JAKMIP2: variants seen among roughly 807,000 people sequenced by gnomAD.
JAKMIP2 encodes janus kinase and microtubule-interacting protein 2.
JAKMIP2 carries 25 observed loss-of-function variants against 115.0 expected under a neutral mutation model. The ratio of observed to expected loss-of-function variants is 0.22; its 90% confidence interval spans 0.16 to 0.30. The LOEUF (loss-of-function observed/expected upper bound fraction) is 0.30, where lower values mean the gene tolerates loss of function less well. Ranked by LOEUF, JAKMIP2 falls within the 10% of genes least tolerant of loss-of-function variation. The probability of loss-of-function intolerance (pLI) is 1.00; values close to 1 mark genes in which losing one functional copy is unlikely to be tolerated. For synonymous variants in JAKMIP2, 334 were observed against 343.6 expected, an observed-to-expected ratio of 0.97 and a Z score of 0.31; for missense variants, 642 against 957.6, an observed-to-expected ratio of 0.67 and a Z score of 4.35.
intron 1 of JAKMIP2, among the ~76,000 whole-genome samples, chr5:147,679,009 C>T (rs1760122841): frequency 6.6e-6 from 1 of 151,630 alleles, no homozygotes; most frequent in Non-Finnish European, 1.5e-5. Flanking sequence ...AGTATGGAGT[C>T]TCCCTCTGTC....
chr5:147,593,761 G>A (rs774217481), intron 21 of JAKMIP2, among the ~76,000 whole-genome samples: 1 of 152,086 alleles, frequency 6.6e-6, no homozygotes, highest in African/African-American at 2.4e-5. Flanking sequence ...AATAGATTGA[G>A]TACATATTTA....
chr5:147,765,732 G>GA lies in JAKMIP2; in HGVS notation c.-149+16723dup, dbSNP rs201795001. On this transcript the variant is annotated intron_variant, in intron 1 of 21. Transcript: ENST00000616793. The stretch of plus-strand genomic sequence containing the variant: ...CTTGGGAAATGCAAGTCAACAAAAA[G>GA]AAAAAAAAATTCACCTGTAATTCTA... Among the ~76,000 whole-genome samples the GA allele has an allele frequency of 1.7e-4, 25 of 150,910 alleles. No individual in the cohort carries two copies. In the East Asian group the frequency reaches 4.1e-3, roughly 25 times the overall value.
chr5:147,676,116 G>A (rs1242239676), intron 1 of JAKMIP2, among the ~76,000 whole-genome samples: 1 of 152,118 alleles, frequency 6.6e-6, no homozygotes, highest in Non-Finnish European at 1.5e-5. Context: ...GGCGGATCAC[G>A]AGGTCAGGAG....
At chr5:147,694,219 AG>A (rs1420772145) in intron 1 of JAKMIP2, among the ~76,000 whole-genome samples, 3 of 134,138 alleles carry the variant, frequency 2.2e-5, no homozygotes, top group Non-Finnish European at 4.6e-5. Flanking sequence ...GAAGATTCCA[AG>A]TTTTTTTAGA....
At chr5:147,771,649 GC>G (rs1277296088) in intron 1 of JAKMIP2, among the ~76,000 whole-genome samples, 1 of 151,928 alleles carries the variant, frequency 6.6e-6, no homozygotes, top group South Asian at 2.1e-4. Context: ...ATAGTTTAGG[GC>G]CATTAGTTAC....
rs942673588 is a variant in JAKMIP2, at chr5:147,625,856, G to A, written c.1996-2167C>T. The stretch of plus-strand genomic sequence containing the variant: ...TGTAATAAAAGTATACCTGTACTCC[G>A]TAAATTTATACAAATTAAAAAATAG... On this transcript the variant is annotated intron_variant, in intron 16 of 21. Coordinates refer to ENST00000616793, the MANE Select transcript of JAKMIP2 (RefSeq NM_001270941.2). 3.3e-5 allele frequency among the ~76,000 whole-genome samples: 5 copies of A among 152,262 alleles called. No individual in the cohort carries two copies. In the South Asian group the frequency reaches 6.2e-4, roughly 19 times the overall value.
chr5:147,726,507 C>T (rs78166339), intron 1 of JAKMIP2, among the ~76,000 whole-genome samples: 20,790 of 152,216 alleles, frequency 0.14, 1,503 homozygotes, highest in Middle Eastern at 0.2. Context: ...AATAACTGTT[C>T]ATCCCCTCTG....
intron 2 of JAKMIP2, among the ~76,000 whole-genome samples, chr5:147,670,481 A>G (rs1759522828): frequency 6.6e-6 from 1 of 152,196 alleles, no homozygotes; most frequent in Admixed American, 6.5e-5. Flanking sequence ...GCTTTCCTAG[A>G]CATGACCCTC....
intron 20 of JAKMIP2, among the ~76,000 whole-genome samples, chr5:147,603,567 G>A (rs1173228365): frequency 6.6e-6 from 1 of 152,168 alleles, no homozygotes; most frequent in Non-Finnish European, 1.5e-5. Context: ...TTAAGGGTGA[G>A]GAGAACTGAA....
chr5:147,751,445 T>G (rs1754556976), intron 1 of JAKMIP2, among the ~76,000 whole-genome samples: 1 of 152,028 alleles, frequency 6.6e-6, no homozygotes, highest in South Asian at 2.1e-4. Context: ...TCAAGTCAAG[T>G]GGTGTGTTTG....
chr5:147,623,789 A>AAG, intron 16 of JAKMIP2, 100 bp from the exon 17 acceptor site: 1 of 693,062 alleles, frequency 1.4e-6, no homozygotes, highest in Non-Finnish European at 2.6e-6. Flanking sequence ...CTTATATCTC[A>AAG]GGAAGAAGAC....
At chr5:147,627,319 C>T (rs571342678) in intron 16 of JAKMIP2, among the ~76,000 whole-genome samples, 1 of 152,070 alleles carries the variant, frequency 6.6e-6, no homozygotes, top group Non-Finnish European at 1.5e-5. Context: ...AAGATTTAGC[C>T]AGGCAGAGGT....
intron 4 of JAKMIP2, among the ~76,000 whole-genome samples, chr5:147,650,053 A>C (rs1758321108): frequency 6.6e-6 from 1 of 152,162 alleles, no homozygotes; most frequent in African/African-American, 2.4e-5. Flanking sequence ...CATCTAATTT[A>C]TGTTTCTTAT....
chr5:147,643,233 A>C lies in JAKMIP2; in HGVS notation c.1224+825T>G, dbSNP rs189792906. 5.0e-3 allele frequency among the ~76,000 whole-genome samples: 769 copies of C among 152,278 alleles called. 7 individuals are homozygous for C. Among genetic ancestry groups the C allele is most frequent in the Non-Finnish European group, 6.7e-3 (453 of 68,030 alleles). ...GTATTCATTGTAACATATAGTCAAC[A>C]TAGAAATTTTAAAAAGGATGAATCA... On this transcript the variant is annotated intron_variant, in intron 7 of 21. Transcript: ENST00000616793.
At position 147,589,350 on chromosome 5, in the gene JAKMIP2, G is replaced by A. The variant is rs1755010146; in HGVS notation, c.*2357C>T. On this transcript the variant is annotated 3_prime_UTR_variant, in exon 22 of 22. Transcript: ENST00000616793. ...TAATCCCAGCTACTAGGGAGGTTGAGGCAGGAGAATCACTTGAATCCAGGA... is the reference window on the plus strand; with the variant it reads ...TAATCCCAGCTACTAGGGAGGTTGAAGCAGGAGAATCACTTGAATCCAGGA... The A allele has an allele frequency of 6.6e-6, 1 of 151,926 alleles. No individual in the cohort carries two copies. Among genetic ancestry groups the A allele is most frequent in the Admixed American group, 6.6e-5 (1 of 15,220 alleles). The allele number at this position is 151,926 out of a possible 1,614,324, so 9.4% of individuals were successfully genotyped here.
At chr5:147,738,695 A>G (rs1440384963) in intron 1 of JAKMIP2, among the ~76,000 whole-genome samples, 4 of 152,216 alleles carry the variant, frequency 2.6e-5, no homozygotes, top group Non-Finnish European at 5.9e-5. Flanking sequence ...TATTCTAAAT[A>G]TAACTTAAAA....
Position 147,636,673 on chromosome 5 carries a change from G to T in JAKMIP2, c.1614+292C>A, listed in dbSNP as rs561008986. On this transcript the variant is annotated intron_variant, in intron 11 of 21. Coordinates refer to ENST00000616793, the MANE Select transcript of JAKMIP2 (RefSeq NM_001270941.2). ...AGAGGCAAAGAACGCAGCTGGAGGGGTGGGTCTTGGTCTTAGCAGCTTATG... is the reference window on the plus strand; with the variant it reads ...AGAGGCAAAGAACGCAGCTGGAGGGTTGGGTCTTGGTCTTAGCAGCTTATG... Among the ~76,000 whole-genome samples, 23 of 152,296 alleles carry T rather than the reference G, an allele frequency of 1.5e-4. No individual in the cohort carries two copies. The South Asian group carries it at 4.3e-3, about 29-fold the overall frequency.
At chr5:147,673,397 C>T (rs992702128) in intron 1 of JAKMIP2, among the ~76,000 whole-genome samples, 6 of 152,116 alleles carry the variant, frequency 3.9e-5, no homozygotes, top group East Asian at 3.9e-4. Flanking sequence ...CCATATGTTC[C>T]GGCAGCTGCT....
At chr5:147,693,542 T>C (rs1235813640) in intron 1 of JAKMIP2, among the ~76,000 whole-genome samples, 1 of 151,988 alleles carries the variant, frequency 6.6e-6, no homozygotes, top group Non-Finnish European at 1.5e-5. Flanking sequence ...ATGTGTGGGA[T>C]TACGGGTGGC....
Sources: gnomAD v4.1 joint callset for allele counts (sites outside exome capture counted in the v4.1 genomes callset) on GRCh38, gnomAD v4.1.1 for gene constraint, MANE v1.5 for transcripts, NCBI Gene and HGNC (gene_info 2026-07-23, HGNC 2026-07-21) for gene names.